Variants in ATAD1 observed in about 807,000 individuals in gnomAD.
ATAD1 encodes the protein outer mitochondrial transmembrane helix translocase.
In ATAD1, 18 loss-of-function variants were observed where a neutral mutation model predicts 42.7. The observed-to-expected ratio is 0.42, with a 90% confidence interval of 0.29 to 0.63. ATAD1 has a LOEUF of 0.63. ATAD1 is among the 20% of genes least tolerant of loss of function. The pLI is 0.19. For synonymous variants in ATAD1, 132 were observed against 143.1 expected, an observed-to-expected ratio of 0.92 and a Z score of 0.55; for missense variants, 294 against 440.4, an observed-to-expected ratio of 0.67 and a Z score of 2.98.
upstream of ATAD1, among the ~76,000 whole-genome samples, chr10:87,822,381 A>G (rs185752259): frequency 1.3e-5 from 2 of 152,354 alleles, no homozygotes; most frequent in Admixed American, 6.5e-5. Context: ...ATATGAAGCT[A>G]TACCTGAAGC....
intron 4 of ATAD1, among the ~76,000 whole-genome samples, chr10:87,788,045 GA>G (rs541158438): frequency 6.6e-6 from 1 of 152,068 alleles, no homozygotes. Context: ...ACGTTTGAGG[GA>G]AAAAAATCAC....
At chr10:87,809,192 C>G (rs1312556269) in intron 2 of ATAD1, among the ~76,000 whole-genome samples, 1 of 152,108 alleles carries the variant, frequency 6.6e-6, no homozygotes, top group Non-Finnish European at 1.5e-5. Context: ...TTACACAATA[C>G]AGGGATTGGG....
upstream of ATAD1, among the ~76,000 whole-genome samples, chr10:87,822,843 C>T (rs1424697668): frequency 2.0e-5 from 3 of 151,702 alleles, no homozygotes; most frequent in East Asian, 1.9e-4. Context: ...ATGGATACCT[C>T]ATTTACCCTG....
intron 2 of ATAD1, among the ~76,000 whole-genome samples, chr10:87,804,357 G>T (rs903094632): frequency 3.3e-5 from 5 of 152,052 alleles, no homozygotes; most frequent in African/African-American, 7.2e-5. Context: ...ACAATTTCAA[G>T]AAAATTATAT....
intron 8 of ATAD1, among the ~76,000 whole-genome samples, chr10:87,765,024 A>T (rs535067435): frequency 2.6e-5 from 4 of 152,224 alleles, no homozygotes; most frequent in Admixed American, 6.5e-5. Flanking sequence ...ACTTACTGTC[A>T]ATTATTTAAT....
upstream of ATAD1, chr10:87,818,352 T>C: frequency 1.4e-6 from 1 of 712,548 alleles, no homozygotes; most frequent in Non-Finnish European, 1.7e-6. Context: ...GGAGAGCAAA[T>C]TCGCGCACCT....
intron 5 of ATAD1, among the ~76,000 whole-genome samples, chr10:87,781,538 G>A (rs137869923): frequency 0.013 from 1,949 of 152,172 alleles, 36 homozygotes; most frequent in Middle Eastern, 0.078. Flanking sequence ...TCCTAATTTC[G>A]AAGATGTTAA....
At chr10:87,768,007 A>G (rs536751283) in intron 7 of ATAD1, among the ~76,000 whole-genome samples, 3 of 151,222 alleles carry the variant, frequency 2.0e-5, no homozygotes, top group Non-Finnish European at 4.4e-5. Context: ...ATCTATGACT[A>G]TAATGTCTTC....
chr10:87,755,430 T>A (rs1854175030), intron 9 of ATAD1, among the ~76,000 whole-genome samples: 1 of 152,158 alleles, frequency 6.6e-6, no homozygotes, highest in Admixed American at 6.6e-5. Flanking sequence ...AGATTTTTCA[T>A]ACTGAAATAT....
intron 7 of ATAD1, among the ~76,000 whole-genome samples, chr10:87,769,656 T>C (rs111314760): frequency 1.3e-5 from 2 of 152,180 alleles, no homozygotes. Context: ...CAATAAATAT[T>C]AGTCATACTA....
rs567973402 is a variant in ATAD1 at position 87,798,625 on chromosome 10, G to GTGTGTGTGTGTGT, written c.163-5871_163-5870insACACACACACACA. Among the ~76,000 whole-genome samples, 233 of 124,932 alleles carry GTGTGTGTGTGTGT rather than the reference G, an allele frequency of 1.9e-3. 5 individuals are homozygous for GTGTGTGTGTGTGT. The highest frequency in any genetic ancestry group is 8.3e-3 in the East Asian group (39 of 4,702). 82.0% of individuals were successfully genotyped at this position (124,932 alleles called of 152,430 possible). A position where few individuals can be genotyped will look rare whatever the true frequency, so the allele number is the denominator to read the frequency against. ...AAGTTCCAAAGTAAAAGCTATAGGG[G>GTGTGTGTGTGTGT]GTGTGTGTGTGTGTGTGTGTGTGTG... is the stretch of plus-strand genomic sequence containing the variant. On this transcript the variant is annotated intron_variant, in intron 2 of 9. Transcript: ENST00000680024.
chr10:87,769,177 A>G (rs1417864894), intron 7 of ATAD1, among the ~76,000 whole-genome samples: 1 of 152,232 alleles, frequency 6.6e-6, no homozygotes, highest in African/African-American at 2.4e-5. Context: ...AGGTAAACAA[A>G]TTTTTAAAAA....
chr10:87,818,089 G>A (rs889803134), intron 1 of ATAD1, 78 bp downstream of exon 1: 2 of 985,468 alleles, frequency 2.0e-6, no homozygotes, highest in Non-Finnish European at 2.4e-6. Flanking sequence ...GGGGTTCCCA[G>A]GTCCGAGACG....
intron 2 of ATAD1, among the ~76,000 whole-genome samples, chr10:87,810,293 T>G (rs1483450316): frequency 1.3e-5 from 2 of 151,946 alleles, no homozygotes; most frequent in Non-Finnish European, 2.9e-5. Flanking sequence ...ATTTGCTTTA[T>G]TATCTAGTAT....
At chr10:87,803,276 A>G (rs898748739) in intron 2 of ATAD1, among the ~76,000 whole-genome samples, 15 of 152,238 alleles carry the variant, frequency 9.9e-5, no homozygotes, top group Admixed American at 2.6e-4. Flanking sequence ...AGATCAGACG[A>G]AACTTGAGAC....
chr10:87,757,022 T>C, intron 8 of ATAD1, 100 bp from the exon 9 acceptor site: 1 of 942,520 alleles, frequency 1.1e-6, no homozygotes, highest in Non-Finnish European at 1.5e-6. Flanking sequence ...ATATTATAAC[T>C]GCATGGGAGG....
chr10:87,762,494 TA>T (rs1854526512), intron 8 of ATAD1, among the ~76,000 whole-genome samples: 1 of 151,878 alleles, frequency 6.6e-6, no homozygotes, highest in African/African-American at 2.4e-5. Flanking sequence ...GACAGAGTCT[TA>T]CTCTAGTCAC....
At chr10:87,819,656 C>G (rs898219803), upstream of ATAD1, among the ~76,000 whole-genome samples, 1 of 152,120 alleles carries the variant, frequency 6.6e-6, no homozygotes, top group African/African-American at 2.4e-5. Flanking sequence ...AATTTTAAAG[C>G]TTAAACCTTA....
At chr10:87,804,980 T>C (rs977113657) in intron 2 of ATAD1, among the ~76,000 whole-genome samples, 1 of 152,206 alleles carries the variant, frequency 6.6e-6, no homozygotes, top group Non-Finnish European at 1.5e-5. Context: ...TCTAGAAATT[T>C]ACAAATACAT....
Sources: gnomAD v4.1 joint callset for allele counts (sites outside exome capture counted in the v4.1 genomes callset) on GRCh38, gnomAD v4.1.1 for gene constraint, MANE v1.5 for transcripts, NCBI Gene and HGNC (gene_info 2026-07-23, HGNC 2026-07-21) for gene names.